RBMS3: variants seen among roughly 807,000 people sequenced by gnomAD.
RBMS3 encodes the protein RNA binding motif single stranded interacting protein 3.
Under a neutral mutation model 66.8 loss-of-function variants are expected in RBMS3, and 27 were observed. That is an observed-to-expected ratio of 0.40 (90% confidence interval 0.30 to 0.56). The LOEUF is 0.56. RBMS3 is among the 20% of genes least tolerant of loss of function. The pLI, the probability that RBMS3 is intolerant of heterozygous loss-of-function variation, is 0.40. For missense variants in RBMS3, 513 were observed against 549.5 expected, an observed-to-expected ratio of 0.93 and a Z score of 0.66; for synonymous variants, 188 against 183.0, an observed-to-expected ratio of 1.03 and a Z score of -0.22.
chr3:29,491,679 G>A, intron 3 of RBMS3, among the ~76,000 whole-genome samples: 1 of 152,192 alleles, frequency 6.6e-6, no homozygotes, highest in Non-Finnish European at 1.5e-5. Context: ...ATCACTTAAA[G>A]AAAGGCATCT....
rs773078453 is a variant in RBMS3 at position 29,284,862 on chromosome 3, CTTTTTTTTT to C, written c.75+3119_75+3127del. Among the ~76,000 whole-genome samples the C allele has an allele frequency of 1.1e-4, 12 of 112,760 alleles. No individual in the cohort carries two copies. In the Admixed American group the frequency reaches 1.2e-3, roughly 12 times the overall value. 74.0% of individuals were successfully genotyped at this position (112,760 alleles called of 152,430 possible). ...TCAATTTTCTTTTTGATGAATTTTTCTTTTTTTTTTTTTTTTTTTTTACCAAAAGAAGCA... is the reference window on the plus strand; with the variant it reads ...TCAATTTTCTTTTTGATGAATTTTTCTTTTTTTTTTTTACCAAAAGAAGCA... On this transcript the variant is annotated intron_variant, in intron 1 of 14. Coordinates refer to ENST00000383767, the MANE Select transcript of RBMS3 (RefSeq NM_001003793.3).
At chr3:29,773,872 G>A (rs538480286) in intron 6 of RBMS3, among the ~76,000 whole-genome samples, 2 of 152,118 alleles carry the variant, frequency 1.3e-5, no homozygotes, top group East Asian at 1.9e-4. Context: ...CTTTCCTGAA[G>A]GATTCAAACA....
intron 14 of RBMS3, among the ~76,000 whole-genome samples, chr3:29,996,341 C>T (rs1187648704): frequency 6.7e-6 from 1 of 149,412 alleles, no homozygotes; most frequent in Non-Finnish European, 1.5e-5. Flanking sequence ...ACCCCACTGT[C>T]AACATTAGAC....
intron 4 of RBMS3, among the ~76,000 whole-genome samples, chr3:29,721,420 A>G (rs1404978407): frequency 6.6e-6 from 1 of 152,168 alleles, no homozygotes; most frequent in Non-Finnish European, 1.5e-5. Flanking sequence ...GTCTAATACT[A>G]GGGTATAGCA....
intron 3 of RBMS3, among the ~76,000 whole-genome samples, chr3:29,512,229 T>C (rs2044441929): frequency 6.6e-6 from 1 of 152,050 alleles, no homozygotes; most frequent in South Asian, 2.1e-4. Context: ...GACTGCTCTG[T>C]CATTTTTATA....
At chr3:29,893,569 G>C (rs1334959303) in intron 8 of RBMS3, among the ~76,000 whole-genome samples, 5 of 151,380 alleles carry the variant, frequency 3.3e-5, no homozygotes. Context: ...AGTGGCCTTG[G>C]GTGCCTCACG....
intron 1 of RBMS3, among the ~76,000 whole-genome samples, chr3:29,410,972 A>AT (rs1368845217): frequency 6.6e-6 from 1 of 151,932 alleles, no homozygotes; most frequent in Non-Finnish European, 1.5e-5. Context: ...CTTCTTAAAA[A>AT]AAAAAAAAAA....
chr3:29,721,111 CATT>C (rs1444759156), intron 4 of RBMS3, among the ~76,000 whole-genome samples: 2 of 152,150 alleles, frequency 1.3e-5, no homozygotes, highest in Non-Finnish European at 2.9e-5. Context: ...GGCAAAATAA[CATT>C]ATCTATGATA....
intron 6 of RBMS3, among the ~76,000 whole-genome samples, chr3:29,860,117 T>C (rs1161483508): frequency 6.6e-6 from 1 of 152,212 alleles, no homozygotes; most frequent in Non-Finnish European, 1.5e-5. Context: ...CAGACACTTA[T>C]TTCTAGCATT....
chr3:29,526,751 G>C (rs1029525637), intron 3 of RBMS3, among the ~76,000 whole-genome samples: 2 of 151,752 alleles, frequency 1.3e-5, no homozygotes, highest in Non-Finnish European at 2.9e-5. Flanking sequence ...AGAGCAAATG[G>C]AATAAGTCTA....
At chr3:29,841,116 G>GT (rs2149503346) in intron 6 of RBMS3, among the ~76,000 whole-genome samples, 1 of 151,884 alleles carries the variant, frequency 6.6e-6, no homozygotes, top group South Asian at 2.1e-4. Context: ...TTTCATTCAT[G>GT]TATTGTTCAA....
At chr3:29,418,033 T>C (rs2040549173) in intron 1 of RBMS3, among the ~76,000 whole-genome samples, 1 of 129,970 alleles carries the variant, frequency 7.7e-6, no homozygotes, top group Non-Finnish European at 1.7e-5. Flanking sequence ...ATTATTTTTC[T>C]AGTTTTCCCC....
intron 2 of RBMS3, among the ~76,000 whole-genome samples, chr3:29,442,648 T>G (rs369132789): frequency 6.6e-6 from 1 of 152,064 alleles, no homozygotes. Context: ...GCCTGAAAAT[T>G]TGAGGGACTT....
chr3:29,724,940 T>A (rs2053793854), intron 4 of RBMS3, among the ~76,000 whole-genome samples: 1 of 152,166 alleles, frequency 6.6e-6, no homozygotes, highest in Non-Finnish European at 1.5e-5. Flanking sequence ...ATCTTTGTCC[T>A]CAGAATTTAG....
intron 3 of RBMS3, among the ~76,000 whole-genome samples, chr3:29,532,123 C>T (rs1479229936): frequency 2.0e-5 from 3 of 151,260 alleles, no homozygotes; most frequent in African/African-American, 7.3e-5. Context: ...TAGATAGTCA[C>T]TTTGATGTAC....
At chr3:29,713,160 T>C (rs1026875775) in intron 4 of RBMS3, among the ~76,000 whole-genome samples, 3 of 152,006 alleles carry the variant, frequency 2.0e-5, no homozygotes, top group African/African-American at 7.2e-5. Context: ...CCTTGTAGTA[T>C]CAAACTTTAG....
At chr3:29,973,789 G>A (rs1223586855) in intron 12 of RBMS3, among the ~76,000 whole-genome samples, 5 of 151,806 alleles carry the variant, frequency 3.3e-5, no homozygotes, top group Non-Finnish European at 7.4e-5. Context: ...ATCACATTCT[G>A]ATGACCACCT....
At chr3:29,623,321 G>A (rs1364927078) in intron 4 of RBMS3, among the ~76,000 whole-genome samples, 4 of 152,006 alleles carry the variant, frequency 2.6e-5, no homozygotes, top group Non-Finnish European at 5.9e-5. Flanking sequence ...GGCCGGGCGC[G>A]GTGGCTCACG....
intron 1 of RBMS3, among the ~76,000 whole-genome samples, chr3:29,371,824 A>G (rs1369408781): frequency 6.6e-6 from 1 of 152,220 alleles, no homozygotes; most frequent in African/African-American, 2.4e-5. Context: ...CCCAGAGCTT[A>G]AAGAACTAGG....
Sources: allele counts gnomAD v4.1 joint callset (sites outside exome capture counted in the v4.1 genomes callset), GRCh38; gene constraint gnomAD v4.1.1; transcripts MANE v1.5; gene names NCBI Gene and HGNC (gene_info 2026-07-23, HGNC 2026-07-21).